Variants in EVC2 observed in about 807,000 individuals in gnomAD.
EVC2 encodes the protein limbin.
A neutral mutation model predicts 149.3 loss-of-function variants in EVC2; 148 were observed. That is an observed-to-expected ratio of 0.99 (90% confidence interval 0.87 to 1.14). The LOEUF (loss-of-function observed/expected upper bound fraction) is 1.14. Ranked by LOEUF, EVC2 falls within the 50% of genes most tolerant of loss-of-function variation. The pLI is 0.00. For synonymous variants in EVC2, 776 were observed against 649.9 expected (o/e 1.19, Z -2.95); for missense variants, 1,854 against 1,627.3 (o/e 1.14, Z -2.40).
intron 9 of EVC2, among the ~76,000 whole-genome samples, chr4:5,643,363 C>T (rs74687590): frequency 6.6e-6 from 1 of 152,068 alleles, no homozygotes; most frequent in East Asian, 1.9e-4. Flanking sequence ...TAATTCTTAT[C>T]CTTCTTTAGC....
At chr4:5,582,196 A>G (rs1490668588) in intron 17 of EVC2, among the ~76,000 whole-genome samples, 1 of 152,308 alleles carries the variant, frequency 6.6e-6, no homozygotes, top group African/African-American at 2.4e-5. Context: ...TTCTGGAATG[A>G]TAGATCCACT....
chr4:5,652,751 G>A (rs561754136), intron 9 of EVC2, among the ~76,000 whole-genome samples: 26 of 152,290 alleles, frequency 1.7e-4, no homozygotes, highest in African/African-American at 6.0e-4. Flanking sequence ...TCCTGCAGAA[G>A]TTCTCAAACT....
chr4:5,579,735 G>T (rs910126072), intron 17 of EVC2, among the ~76,000 whole-genome samples: 2 of 152,168 alleles, frequency 1.3e-5, no homozygotes, highest in African/African-American at 4.8e-5. Context: ...CAGCTACTCG[G>T]GAGGCTGGGG....
chr4:5,620,263 G>C (rs1715595973), intron 14 of EVC2, among the ~76,000 whole-genome samples: 1 of 152,178 alleles, frequency 6.6e-6, no homozygotes. Context: ...CAAAGTGAAA[G>C]CAACTCTGAG....
chr4:5,666,341 G>A (rs1255434301), intron 7 of EVC2, among the ~76,000 whole-genome samples: 3 of 151,922 alleles, frequency 2.0e-5, no homozygotes, highest in African/African-American at 7.3e-5. Flanking sequence ...TTTGCTCACT[G>A]CAGAGTAAAG....
chr4:5,590,166 G>A (rs1203202994), intron 16 of EVC2, among the ~76,000 whole-genome samples: 1 of 152,112 alleles, frequency 6.6e-6, no homozygotes, highest in African/African-American at 2.4e-5. Context: ...CCGTAAAGGT[G>A]TGGGGGAGAA....
chr4:5,683,182 C>G (rs1383581138), intron 6 of EVC2, among the ~76,000 whole-genome samples: 1 of 152,202 alleles, frequency 6.6e-6, no homozygotes, highest in African/African-American at 2.4e-5. Context: ...GAAGAGACAC[C>G]TCTGAGGCAT....
In EVC2 at chr4:5,569,766, G is replaced by A. The variant is rs1267299513; in HGVS notation, c.3361-1126C>T. Among the ~76,000 whole-genome samples the A allele has an allele frequency of 2.0e-5, 3 of 151,816 alleles. No individual in the cohort carries two copies. The highest frequency in any genetic ancestry group is 2.9e-5 in the Non-Finnish European group (2 of 67,964). ...TCAGGAGACACAAACACAGGGACTC[G>A]ACCCCTTGGAAACATGGGGTCGCTG... On this transcript the variant is annotated intron_variant, in intron 19 of 21. Transcript: ENST00000344408. This position sits in a 1 kb window ranked among gnomAD's most constrained non-coding sequence, Gnocchi z 4.8.
chr4:5,664,492 G>A (rs146452694), intron 8 of EVC2, among the ~76,000 whole-genome samples: 29 of 152,288 alleles, frequency 1.9e-4, no homozygotes, highest in African/African-American at 5.1e-4. Flanking sequence ...AGCAGGGTGC[G>A]TTTAGTTCTT....
intron 14 of EVC2, among the ~76,000 whole-genome samples, chr4:5,621,002 C>T (rs1373215052): frequency 1.3e-5 from 2 of 152,248 alleles, no homozygotes; most frequent in African/African-American, 2.4e-5. Context: ...ATCTTGTTTT[C>T]CTTGTCAAGA....
rs370297832 is a variant in EVC2 at position 5,670,300 on chromosome 4, A to G, written c.871-4651T>C. ...CTTCATTAACACCATCATGATCACC[A>G]TCAGCAGCAGCATCACCATCAAATT... is the stretch of plus-strand genomic sequence containing the variant. On this transcript the variant is annotated intron_variant, in intron 7 of 21. Coordinates refer to ENST00000344408, the MANE Select transcript of EVC2 (RefSeq NM_147127.5). This position sits in a 1 kb window ranked among gnomAD's most constrained non-coding sequence, Gnocchi z 5.2. Among the ~76,000 whole-genome samples, 150 of 152,140 alleles carry G rather than the reference A, an allele frequency of 9.9e-4. 1 individual carries two copies. The highest frequency in any genetic ancestry group is 3.4e-3 in the African/African-American group (140 of 41,420).
rs779865273 is a variant in EVC2 at position 5,640,633 on chromosome 4, T to C, written c.1351A>G (p.Met451Val). 5.0e-6 allele frequency: 8 copies of C among 1,614,052 alleles called. No individual in the cohort carries two copies. In the African/African-American group the frequency reaches 8.0e-5, roughly 16 times the overall value. ...TCACATTCAGCTGTCAATGCCACCA[T>C]CTTCCGATCGTACTCCTCTTGTATT... The part of the protein sequence containing the change: ...NEIQEEYDRK[M>V]VALTAECDLE... Residue 451 changes from methionine to valine, a missense_variant, in exon 10 of 22, where the codon ATG becomes GTG. Transcript: ENST00000344408. The surrounding 1 kb of genome is among the most constrained non-coding windows in gnomAD (Gnocchi z 4.6).
intron 17 of EVC2, among the ~76,000 whole-genome samples, chr4:5,583,789 C>G (rs73061741): frequency 6.5e-4 from 98 of 151,344 alleles, no homozygotes; most frequent in African/African-American, 2.3e-3. Flanking sequence ...AAAAAAAAAT[C>G]TCTTCACTTT....
chr4:5,576,396 TG>T lies in EVC2; in HGVS notation c.3115del (p.Gln1039SerfsTer20). 1 of 1,613,574 alleles carries T rather than the reference TG, an allele frequency of 6.2e-7. No individual in the cohort carries two copies. Among genetic ancestry groups the T allele is most frequent in the Non-Finnish European group, 8.5e-7 (1 of 1,179,758 alleles). ...EDQLVQQEAA[Q>X]QQQALASWQQ... ...CCAGCTCGCCAGGGCCTGCTGCTGC[TG>T]GGCTGCCTCCTGCTGCACCAGCTGG... On this transcript the variant is annotated frameshift_variant, in exon 18 of 22. Coordinates refer to ENST00000344408, the MANE Select transcript of EVC2 (RefSeq NM_147127.5). LOFTEE classifies it high-confidence loss of function. This position sits in a 1 kb window ranked among gnomAD's most constrained non-coding sequence, Gnocchi z 4.5.
downstream of EVC2, among the ~76,000 whole-genome samples, chr4:5,561,133 G>A (rs1249330395): frequency 1.3e-5 from 2 of 152,180 alleles, no homozygotes; most frequent in Non-Finnish European, 2.9e-5. Context: ...TTTCAACTAT[G>A]CATAATTCTA....
chr4:5,656,333 T>G (rs1248150160), intron 9 of EVC2, among the ~76,000 whole-genome samples: 1 of 152,110 alleles, frequency 6.6e-6, no homozygotes, highest in Non-Finnish European at 1.5e-5. Context: ...GACCCCCTCC[T>G]TTCACTTCTT....
chr4:5,585,386 C>T (rs984290985), intron 16 of EVC2, among the ~76,000 whole-genome samples: 1 of 151,686 alleles, frequency 6.6e-6, no homozygotes, highest in African/African-American at 2.4e-5. Flanking sequence ...TGAAATTCTA[C>T]TATTTGTCTT....
chr4:5,568,492 G>A lies in EVC2; in HGVS notation c.3509C>T (p.Ala1170Val), dbSNP rs1359800892. ...DSATERHVDH[A>V]AESDGGAEQA... The stretch of plus-strand genomic sequence containing the variant: ...CTCCGCTCCGCCATCGCTCTCAGCT[G>A]CGTGGTCCACATGTCTCTCGGTGGC... Residue 1170 changes from alanine (A) to valine (V), a missense_variant, in exon 20 of 22, where the codon GCA becomes GTA. Transcript: ENST00000344408. 2 of 1,584,764 alleles carry A rather than the reference G, an allele frequency of 1.3e-6. No homozygotes were observed. The highest frequency in any genetic ancestry group is 8.5e-7 in the Non-Finnish European group (1 of 1,172,276).
chr4:5,663,059 A>G (rs775302647), intron 9 of EVC2, 48 bp downstream of exon 9: 22 of 1,611,904 alleles, frequency 1.4e-5, no homozygotes, highest in Non-Finnish European at 1.9e-5. Context: ...ACTGTCGTTA[A>G]AACATTCATC....
Sources: gnomAD v4.1 joint callset for allele counts (sites outside exome capture counted in the v4.1 genomes callset) on GRCh38, gnomAD v4.1.1 for gene constraint, Gnocchi (gnomAD v3.1) non-coding constraint, MANE v1.5 for transcripts, NCBI Gene and HGNC (gene_info 2026-07-23, HGNC 2026-07-21) for gene names.